SEMA3A: variants seen among roughly 807,000 people sequenced by gnomAD.
SEMA3A encodes semaphorin-3A.
SEMA3A carries 29 observed loss-of-function variants against 97.9 expected under a neutral mutation model. The observed-to-expected ratio is 0.30, with a 90% CI of 0.22 to 0.40. The LOEUF (loss-of-function observed/expected upper bound fraction) is 0.40, where lower values mean the gene tolerates loss of function less well. Ranked by LOEUF, SEMA3A falls within the 10% of genes least tolerant of loss-of-function variation. The probability of loss-of-function intolerance (pLI) is 1.00; values close to 1 mark genes in which losing one functional copy is unlikely to be tolerated. For synonymous variants in SEMA3A, 321 were observed against 323.7 expected, an observed-to-expected ratio of 0.99 and a Z score of 0.09; for missense variants, 763 against 951.3, an observed-to-expected ratio of 0.80 and a Z score of 2.60.
chr7:84,017,063 A>G (rs140631555), intron 6 of SEMA3A, among the ~76,000 whole-genome samples: 13 of 152,342 alleles, frequency 8.5e-5, no homozygotes, highest in African/African-American at 3.1e-4. Context: ...GCCATGTAGA[A>G]AAGAGTATCC....
At chr7:84,338,404 C>T (rs1434141151) in intron 2 of SEMA3A, among the ~76,000 whole-genome samples, 1 of 151,816 alleles carries the variant, frequency 6.6e-6, no homozygotes, top group Admixed American at 6.6e-5. Flanking sequence ...AATTACATTC[C>T]TCCCAAATTT....
chr7:84,274,446 G>C (rs1355273510), intron 3 of SEMA3A, among the ~76,000 whole-genome samples: 1 of 152,106 alleles, frequency 6.6e-6, no homozygotes, highest in Non-Finnish European at 1.5e-5. Context: ...CTGTCACTTT[G>C]CATCAGTCTG....
upstream of SEMA3A, among the ~76,000 whole-genome samples, chr7:84,197,153 C>T (rs1481836227): frequency 1.3e-5 from 2 of 152,060 alleles, no homozygotes; most frequent in Non-Finnish European, 2.9e-5. Flanking sequence ...TTAATGTTGA[C>T]ACATGGAAGT....
rs1387995318 is a variant in SEMA3A, at chr7:84,359,046, G to A, written c.-169+12778C>T. Among the ~76,000 whole-genome samples the A allele has an allele frequency of 6.6e-5, 10 of 152,270 alleles. No homozygotes were observed. In the East Asian group the frequency reaches 1.2e-3, roughly 18 times the overall value. ...GCTTAAGGAGATTTTGGGCTGAGAC[G>A]ATGGGGTTTTCTACATATACAACCA... On this transcript the variant is annotated intron_variant, in intron 2 of 3. Coordinates refer to the SEMA3A transcript ENST00000424555.
intron 3 of SEMA3A, among the ~76,000 whole-genome samples, chr7:84,111,573 T>C (rs1583983044): frequency 6.6e-6 from 1 of 152,178 alleles, no homozygotes; most frequent in Non-Finnish European, 1.5e-5. Context: ...TTATCACTTA[T>C]TTTTCTAGGA....
At chr7:84,226,663 A>G (rs1435018571) in intron 3 of SEMA3A, among the ~76,000 whole-genome samples, 6 of 152,128 alleles carry the variant, frequency 3.9e-5, no homozygotes, top group Non-Finnish European at 7.4e-5. Flanking sequence ...ATTAAAAGCC[A>G]AAGAGCCAAA....
At chr7:84,111,971 T>C (rs1304036937) in intron 3 of SEMA3A, among the ~76,000 whole-genome samples, 1 of 152,166 alleles carries the variant, frequency 6.6e-6, no homozygotes, top group African/African-American at 2.4e-5. Context: ...AAGCTCTCCA[T>C]TCTGTAAGAG....
At chr7:84,015,400 T>C (rs931272233) in intron 6 of SEMA3A, among the ~76,000 whole-genome samples, 1 of 152,154 alleles carries the variant, frequency 6.6e-6, no homozygotes, top group Non-Finnish European at 1.5e-5. Flanking sequence ...CAGCAATATT[T>C]AGAGCTCCAC....
intron 2 of SEMA3A, among the ~76,000 whole-genome samples, chr7:84,329,980 A>G (rs1166304110): frequency 6.6e-6 from 1 of 152,040 alleles, no homozygotes; most frequent in East Asian, 1.9e-4. Context: ...GATTAATTCA[A>G]TAATAGTGAT....
At chr7:84,327,353 C>T (rs544979050) in intron 2 of SEMA3A, among the ~76,000 whole-genome samples, 7 of 150,366 alleles carry the variant, frequency 4.7e-5, no homozygotes, top group African/African-American at 1.7e-4. Context: ...ATAAAGTAGT[C>T]ATGATGGGGG....
chr7:84,191,413 T>C (rs1186808548), intron 1 of SEMA3A, among the ~76,000 whole-genome samples: 1 of 151,676 alleles, frequency 6.6e-6, no homozygotes, highest in Non-Finnish European at 1.5e-5. Flanking sequence ...CTACCAAAAC[T>C]GAAGCACATA....
intron 1 of SEMA3A, among the ~76,000 whole-genome samples, chr7:84,135,450 G>T (rs1312746170): frequency 2.0e-5 from 3 of 151,908 alleles, no homozygotes; most frequent in Non-Finnish European, 4.4e-5. Context: ...CTATTTGCTG[G>T]TTTCATACTT....
chr7:84,196,104 C>A (rs1298285540), upstream of SEMA3A, among the ~76,000 whole-genome samples: 1 of 151,942 alleles, frequency 6.6e-6, no homozygotes, highest in African/African-American at 2.4e-5. Context: ...ATGATTCTGC[C>A]CTACCCCCTC....
chr7:84,206,357 C>T (rs2116309120), intron 3 of SEMA3A, among the ~76,000 whole-genome samples: 1 of 137,638 alleles, frequency 7.3e-6, no homozygotes, highest in African/African-American at 2.7e-5. Flanking sequence ...GAATCTGGCT[C>T]TGTCGCCCAG....
chr7:84,424,484 A>G (rs1326093803), intron 1 of SEMA3A, among the ~76,000 whole-genome samples: 1 of 90,078 alleles, frequency 1.1e-5, no homozygotes, highest in Non-Finnish European at 2.1e-5. Flanking sequence ...TATATAATAT[A>G]TTGATATATA....
At chr7:84,301,714 T>C (rs1485652576) in intron 3 of SEMA3A, among the ~76,000 whole-genome samples, 1 of 152,168 alleles carries the variant, frequency 6.6e-6, no homozygotes, top group Non-Finnish European at 1.5e-5. Flanking sequence ...AGCTTGTTCA[T>C]AAACGAATGT....
chr7:84,009,777 G>C (rs1375456469), intron 9 of SEMA3A, among the ~76,000 whole-genome samples: 1 of 151,780 alleles, frequency 6.6e-6, no homozygotes, highest in African/African-American at 2.4e-5. Flanking sequence ...AAGGAGGCAA[G>C]AGGAAGAGAG....
At chr7:84,016,644 A>G (rs1423218670) in intron 6 of SEMA3A, among the ~76,000 whole-genome samples, 2 of 152,102 alleles carry the variant, frequency 1.3e-5, no homozygotes, top group East Asian at 3.9e-4. Flanking sequence ...CTGAGCTCAG[A>G]TGCATACTTT....
chr7:84,060,606 AATGAGTGTTTTCAACAC>A, intron 4 of SEMA3A, 48 bp from the exon 5 acceptor site: 2 of 1,270,902 alleles, frequency 1.6e-6, no homozygotes, highest in South Asian at 3.1e-5. Flanking sequence ...TATATATAAA[AATGAGTGTTTTCAACAC>A]ATCAGTTAAT....
Sources: gnomAD v4.1 joint callset for allele counts (sites outside exome capture counted in the v4.1 genomes callset) on GRCh38, gnomAD v4.1.1 for gene constraint, MANE v1.5 for transcripts, NCBI Gene and HGNC (gene_info 2026-07-23, HGNC 2026-07-21) for gene names.